The following ATP5F1B variants were observed in gnomAD, a reference collection of about 807,000 sequenced individuals.
The protein encoded by ATP5F1B is ATP synthase F1 subunit beta, also known as ATP synthase F(1) complex subunit beta, mitochondrial.
Under a neutral mutation model 45.9 loss-of-function variants are expected in ATP5F1B, and 17 were observed. The observed-to-expected ratio is 0.37, with a 90% CI of 0.25 to 0.56. The LOEUF (loss-of-function observed/expected upper bound fraction) is 0.56, where lower values mean the gene tolerates loss of function less well. Ranked by LOEUF, ATP5F1B falls within the 20% of genes least tolerant of loss-of-function variation. The pLI is 0.80. For synonymous variants in ATP5F1B, 218 were observed against 256.5 expected, an observed-to-expected ratio of 0.85 and a Z score of 1.43; for missense variants, 387 against 673.2, an observed-to-expected ratio of 0.57 and a Z score of 4.70.
chr12:56,638,283 T>C lies in ATP5F1B; in HGVS notation c.*40A>G. On this transcript the variant is annotated 3_prime_UTR_variant, in exon 10 of 10. Coordinates refer to ENST00000262030, the MANE Select transcript of ATP5F1B (RefSeq NM_001686.4). The stretch of plus-strand genomic sequence containing the variant: ...CACAGAAAAATGAAGCTTTTTGGGT[T>C]AGGGGCAAGGAGAGAGACAGTACAG... 6.5e-7 allele frequency: 1 copy of C among 1,549,706 alleles called. No homozygotes were observed. The highest frequency in any genetic ancestry group is 8.9e-7 in the Non-Finnish European group (1 of 1,128,274).
chr12:56,644,264 C>T (rs1353942224), intron 3 of ATP5F1B, among the ~76,000 whole-genome samples: 1 of 151,962 alleles, frequency 6.6e-6, no homozygotes, highest in African/African-American at 2.4e-5. Flanking sequence ...AATACAAAAA[C>T]CTACAAGTTT....
chr12:56,643,382 A>C (rs959279135), intron 5 of ATP5F1B, 21 bp downstream of exon 5: 1 of 1,600,026 alleles, frequency 6.2e-7, no homozygotes, highest in African/African-American at 1.3e-5. Flanking sequence ...CCACGTGGAC[A>C]TCAATTAGCT....
chr12:56,642,610 C>G (rs1168344860), intron 6 of ATP5F1B, 30 bp from the exon 7 acceptor site: 1 of 1,613,846 alleles, frequency 6.2e-7, no homozygotes, highest in Non-Finnish European at 8.5e-7. Flanking sequence ...TAGGTGTCTA[C>G]ATCCTTAGCC....
In ATP5F1B at chr12:56,639,307, C is replaced by T. The variant is rs769127457; in HGVS notation, c.1288G>A (p.Asp430Asn). Residue 430 changes from aspartate to asparagine, a missense_variant and splice_region_variant, in exon 9 of 10, where the codon GAC (aspartate) becomes AAC (asparagine). Asp to Asn is a conservative substitution (Grantham distance 23). Coordinates refer to ENST00000262030, the MANE Select transcript of ATP5F1B (RefSeq NM_001686.4). ...VARGVQKILQ[D>N]YKSLQDIIAI... is the part of the protein sequence containing the mutation. ...ATGATATCCTGGAGGGATTTGTAGT[C>T]CTATGAGAAAAAAGAAGACTGAGTT... is the stretch of plus-strand genomic sequence containing the variant. The T allele has an allele frequency of 3.1e-6, 5 of 1,612,292 alleles. No homozygotes were observed. The East Asian group carries it at 8.9e-5, about 29-fold the overall frequency.
chr12:56,643,315 A>T (rs76301726), intron 5 of ATP5F1B, 88 bp downstream of exon 5: 20 of 1,237,932 alleles, frequency 1.6e-5, no homozygotes, highest in Non-Finnish European at 1.6e-5. Flanking sequence ...AGAAAAAAAA[A>T]TTAAATAGAA....
chr12:56,643,692 T>G, intron 4 of ATP5F1B, 105 bp from the exon 5 acceptor site: 1 of 1,582,956 alleles, frequency 6.3e-7, no homozygotes, highest in Non-Finnish European at 8.7e-7. Context: ...TTCTCAGAAA[T>G]TGCATCTGGC....
At chr12:56,639,541 CGGTG>C in intron 8 of ATP5F1B, 1 of 513,120 alleles carries the variant, frequency 1.9e-6, no homozygotes. Flanking sequence ...TGGGAGGCCA[CGGTG>C]GGTGGATCAT....
At chr12:56,639,875 C>G (rs545332621) in intron 8 of ATP5F1B, 105 bp downstream of exon 8, 7 of 1,249,512 alleles carry the variant, frequency 5.6e-6, no homozygotes, top group Middle Eastern at 2.5e-4. Context: ...CCTCAACTTT[C>G]CTTGCTCCAA....
At chr12:56,642,870 AG>A (rs1192835581) in intron 5 of ATP5F1B, 39 bp from the exon 6 acceptor site, 1 of 1,609,048 alleles carries the variant, frequency 6.2e-7, no homozygotes, top group Non-Finnish European at 8.5e-7. Context: ...CTGACAAAGG[AG>A]TAGAGAAGCC....
intron 4 of ATP5F1B, 91 bp from the exon 5 acceptor site, chr12:56,643,678 T>C: frequency 6.3e-7 from 1 of 1,586,378 alleles, no homozygotes; most frequent in South Asian, 1.1e-5. Context: ...TTCCATCCTA[T>C]TCCTTCTCAG....
intron 5 of ATP5F1B, chr12:56,643,097 T>G (rs773912438): frequency 2.0e-6 from 1 of 506,902 alleles, no homozygotes; most frequent in Non-Finnish European, 3.4e-6. Flanking sequence ...GAAACATATG[T>G]ACCACGTCCA....
intron 8 of ATP5F1B, 137 bp downstream of exon 8, chr12:56,639,843 A>T: frequency 1.3e-6 from 1 of 782,104 alleles, no homozygotes; most frequent in Non-Finnish European, 2.0e-6. Flanking sequence ...AGACCTCATT[A>T]GCTCTCACTA....
chr12:56,643,950 G>C lies in ATP5F1B; in HGVS notation c.494C>G (p.Pro165Arg), dbSNP rs778645597. The change falls in exon 4 of 10, where the codon CCC becomes CGC. Residue 165 changes from proline (P) to arginine (R), a missense_variant. By Grantham distance (103) the Pro-to-Arg change is moderately radical. Coordinates refer to ENST00000262030, the MANE Select transcript of ATP5F1B (RefSeq NM_001686.4). Reference sequence around the variant, plus strand: ...GAACTCTGGAGCCTCAGCATGAATGGGAGCAAATCTGTAAAGGTAGAAGAG... The same window carrying C: ...GAACTCTGGAGCCTCAGCATGAATGCGAGCAAATCTGTAAAGGTAGAAGAG... The part of the protein sequence containing the change: ...RGPIKTKQFA[P>R]IHAEAPEFME... The C allele has an allele frequency of 5.0e-6, 8 of 1,613,872 alleles. No individual in the cohort carries two copies. The East Asian group carries it at 1.8e-4, about 36-fold the overall frequency.
At chr12:56,640,888 C>G (rs562932787) in intron 7 of ATP5F1B, among the ~76,000 whole-genome samples, 6 of 117,380 alleles carry the variant, frequency 5.1e-5, no homozygotes, top group African/African-American at 1.4e-4. Flanking sequence ...AAAAAAAAAA[C>G]GGAAACAAAA....
chr12:56,643,346 T>C, intron 5 of ATP5F1B, 57 bp downstream of exon 5: 2 of 1,438,648 alleles, frequency 1.4e-6, no homozygotes, highest in Non-Finnish European at 1.9e-6. Context: ...ATGGCTTCAG[T>C]TGGCAATAGT....
intron 7 of ATP5F1B, among the ~76,000 whole-genome samples, chr12:56,641,505 T>C (rs1951511766): frequency 6.6e-6 from 1 of 152,078 alleles, no homozygotes; most frequent in African/African-American, 2.4e-5. Context: ...ATATATCCCA[T>C]CTATATATAT....
At chr12:56,643,675 C>T in intron 4 of ATP5F1B, 88 bp from the exon 5 acceptor site, 1 of 1,587,116 alleles carries the variant, frequency 6.3e-7, no homozygotes, top group South Asian at 1.1e-5. Flanking sequence ...TCCTTCCATC[C>T]TATTCCTTCT....
At chr12:56,645,134 C>T (rs1390981366) in intron 2 of ATP5F1B, 37 bp downstream of exon 2, 1 of 1,613,600 alleles carries the variant, frequency 6.2e-7, no homozygotes. Flanking sequence ...ATTTGGGCTA[C>T]ACAAGGTCTT....
chr12:56,639,314 G>GA lies in ATP5F1B; in HGVS notation c.1288-8dup. 6.2e-7 allele frequency: 1 copy of GA among 1,610,318 alleles called. No homozygotes were observed. Among genetic ancestry groups the GA allele is most frequent in the Non-Finnish European group, 8.5e-7 (1 of 1,177,778 alleles). On this transcript the variant is annotated splice_polypyrimidine_tract_variant and splice_region_variant and intron_variant, in intron 8 of 9. Coordinates refer to ENST00000262030, the MANE Select transcript of ATP5F1B (RefSeq NM_001686.4). ...CCTGGAGGGATTTGTAGTCCTATGA[G>GA]AAAAAAGAAGACTGAGTTAAGTATT...
Sources: allele counts gnomAD v4.1 joint callset (sites outside exome capture counted in the v4.1 genomes callset), GRCh38; gene constraint gnomAD v4.1.1; transcripts MANE v1.5; gene names NCBI Gene and HGNC (gene_info 2026-07-23, HGNC 2026-07-21).